EYA4: variants seen among roughly 807,000 people sequenced by gnomAD.
The protein encoded by EYA4 is protein phosphatase EYA4.
A neutral mutation model predicts 87.9 loss-of-function variants in EYA4; 31 were observed. That is an observed-to-expected ratio of 0.35 (90% CI 0.27 to 0.48). The LOEUF is 0.48. Among genes scored for constraint, EYA4 ranks in the 20% least tolerant of loss-of-function variants. EYA4 has a pLI of 0.99. For synonymous variants in EYA4, 263 were observed against 270.6 expected, an observed-to-expected ratio of 0.97 and a Z score of 0.28; for missense variants, 678 against 761.4, an observed-to-expected ratio of 0.89 and a Z score of 1.29.
At chr6:133,259,330 C>A (rs1483987903) in intron 1 of EYA4, among the ~76,000 whole-genome samples, 1 of 152,188 alleles carries the variant, frequency 6.6e-6, no homozygotes, top group Non-Finnish European at 1.5e-5. Context: ...AAGCAGGACA[C>A]ATAGCAGGGA....
At chr6:133,481,688 A>G (rs1054141791) in intron 12 of EYA4, 89 bp downstream of exon 12, 12 of 1,465,570 alleles carry the variant, frequency 8.2e-6, no homozygotes, top group Non-Finnish European at 1.0e-5. Flanking sequence ...TTATGTTTCA[A>G]ATTTAAAAAT....
At chr6:133,360,128 A>G (rs1784348336) in intron 2 of EYA4, 1 of 152,234 alleles carries the variant, frequency 6.6e-6, no homozygotes, top group South Asian at 2.1e-4. Context: ...TATAAAATGG[A>G]ATAAAAATAT....
rs181347019 is a variant in EYA4, at chr6:133,421,013, C to T, written c.84-25617C>T. Among the ~76,000 whole-genome samples, 18 of 152,356 alleles carry T rather than the reference C, an allele frequency of 1.2e-4. No homozygotes were observed. The East Asian group carries it at 2.1e-3, about 18-fold the overall frequency. On this transcript the variant is annotated intron_variant, in intron 3 of 19. Coordinates refer to ENST00000355286, the MANE Select transcript of EYA4 (RefSeq NM_004100.5). ...TGTAGCCTGCCTCCACATCAAGCTT[C>T]GCTGCAGAAAGGAGATGGATAGACA...
At chr6:133,252,103 A>G (rs1442858449) in intron 1 of EYA4, among the ~76,000 whole-genome samples, 2 of 152,196 alleles carry the variant, frequency 1.3e-5, no homozygotes, top group Admixed American at 6.5e-5. Flanking sequence ...TGAATCATCT[A>G]TGTGTCTTTT....
chr6:133,456,545 C>T lies in EYA4; in HGVS notation c.278-11C>T, dbSNP rs776491039. The stretch of plus-strand genomic sequence containing the variant: ...GAAGTAAAACTCACATGTACTTATT[C>T]TTCTACGTAGTGTCTCTTCTTGCAG... On this transcript the variant is annotated splice_polypyrimidine_tract_variant and intron_variant, in intron 5 of 19. Transcript: ENST00000355286. The T allele has an allele frequency of 1.9e-6, 3 of 1,584,700 alleles. No homozygotes were observed. Among genetic ancestry groups the T allele is most frequent in the Non-Finnish European group, 2.6e-6 (3 of 1,153,222 alleles).
At chr6:133,525,393 ATACT>A in intron 19 of EYA4, 139 bp downstream of exon 19, 1 of 756,846 alleles carries the variant, frequency 1.3e-6, no homozygotes, top group South Asian at 1.5e-5. Context: ...GAGAGGGTCA[ATACT>A]TACATTCAAA....
chr6:133,332,919 A>G (rs1406921687), intron 2 of EYA4, among the ~76,000 whole-genome samples: 1 of 151,778 alleles, frequency 6.6e-6, no homozygotes, highest in Admixed American at 6.6e-5. Flanking sequence ...TTTCTCTTGG[A>G]TCTTTTCCAG....
intron 1 of EYA4, among the ~76,000 whole-genome samples, chr6:133,271,538 C>T (rs1039674425): frequency 6.6e-6 from 1 of 152,212 alleles, no homozygotes; most frequent in Admixed American, 6.5e-5. Context: ...CAAACCTCTT[C>T]CCTTTCTATG....
chr6:133,454,021 C>A (rs1055738853), intron 5 of EYA4, among the ~76,000 whole-genome samples: 1 of 152,184 alleles, frequency 6.6e-6, no homozygotes, highest in African/African-American at 2.4e-5. Context: ...AGATTATAAT[C>A]AAAATCAATA....
chr6:133,287,218 T>C (rs1270705003), intron 2 of EYA4, among the ~76,000 whole-genome samples: 1 of 152,174 alleles, frequency 6.6e-6, no homozygotes, highest in Non-Finnish European at 1.5e-5. Flanking sequence ...TAATATAGAA[T>C]TTAAGCAAGA....
At chr6:133,290,076 C>T (rs1778364516) in intron 2 of EYA4, among the ~76,000 whole-genome samples, 1 of 152,122 alleles carries the variant, frequency 6.6e-6, no homozygotes, top group Admixed American at 6.5e-5. Context: ...TTATGTAATG[C>T]TCATTGTGTG....
chr6:133,280,205 G>C (rs1777507687), intron 2 of EYA4, among the ~76,000 whole-genome samples: 1 of 152,066 alleles, frequency 6.6e-6, no homozygotes, highest in Admixed American at 6.5e-5. Flanking sequence ...ACATACTTCA[G>C]AGTTCTGTGG....
At chr6:133,436,831 G>T (rs372546005) in intron 3 of EYA4, among the ~76,000 whole-genome samples, 1 of 152,190 alleles carries the variant, frequency 6.6e-6, no homozygotes, top group African/African-American at 2.4e-5. Context: ...AACTGATGGA[G>T]TCAACTTATA....
At chr6:133,500,096 A>C (rs1797976853) in intron 13 of EYA4, among the ~76,000 whole-genome samples, 1 of 150,996 alleles carries the variant, frequency 6.6e-6, no homozygotes, top group Admixed American at 6.7e-5. Flanking sequence ...AGATGATGCC[A>C]ATGGTGCTGG....
intron 2 of EYA4, among the ~76,000 whole-genome samples, chr6:133,366,221 C>T (rs934463597): frequency 2.0e-5 from 3 of 152,138 alleles, no homozygotes; most frequent in Admixed American, 6.5e-5. Context: ...CTCAGTGACT[C>T]CTGTTTCCGG....
intron 2 of EYA4, among the ~76,000 whole-genome samples, chr6:133,324,768 T>G (rs753710283): frequency 1.5e-4 from 23 of 152,060 alleles, no homozygotes; most frequent in Non-Finnish European, 2.6e-4. Flanking sequence ...TATGGATTCT[T>G]AAAAATAATA....
chr6:133,408,180 G>T (rs146001410), intron 3 of EYA4, among the ~76,000 whole-genome samples: 1 of 152,302 alleles, frequency 6.6e-6, no homozygotes, highest in African/African-American at 2.4e-5. Flanking sequence ...TGGCCCCTTT[G>T]CATGGTGAAC....
chr6:133,261,029 A>G (rs1775761095), intron 1 of EYA4, among the ~76,000 whole-genome samples: 1 of 152,226 alleles, frequency 6.6e-6, no homozygotes, highest in Non-Finnish European at 1.5e-5. Context: ...GATACCTGAA[A>G]GTCACATTTG....
At chr6:133,487,196 C>T (rs1273413936) in intron 13 of EYA4, among the ~76,000 whole-genome samples, 7 of 152,168 alleles carry the variant, frequency 4.6e-5, no homozygotes, top group Non-Finnish European at 1.0e-4. Flanking sequence ...GCATTTAGAC[C>T]AGTCCTAGCT....
Sources: gnomAD v4.1 joint callset for allele counts (sites outside exome capture counted in the v4.1 genomes callset) on GRCh38, gnomAD v4.1.1 for gene constraint, MANE v1.5 for transcripts, NCBI Gene and HGNC (gene_info 2026-07-23, HGNC 2026-07-21) for gene names.